Variants in PPP2R2B observed in about 807,000 individuals in gnomAD.
PPP2R2B encodes the protein protein phosphatase 2 regulatory subunit Bbeta, also known as serine/threonine-protein phosphatase 2A 55 kDa regulatory subunit B beta isoform.
Under a neutral mutation model 46.0 loss-of-function variants are expected in PPP2R2B, and 5 were observed. The ratio of observed to expected loss-of-function variants is 0.11; its 90% CI spans 0.06 to 0.23. The LOEUF (loss-of-function observed/expected upper bound fraction) is 0.23. Ranked by LOEUF, PPP2R2B falls within the 10% of genes least tolerant of loss-of-function variation. The probability of loss-of-function intolerance (pLI) is 1.00; values close to 1 mark genes in which losing one functional copy is unlikely to be tolerated. For synonymous variants in PPP2R2B, 215 were observed against 206.7 expected (o/e 1.04, Z -0.34); for missense variants, 367 against 575.0 (o/e 0.64, Z 3.70).
intron 5 of PPP2R2B, among the ~76,000 whole-genome samples, chr5:146,678,764 G>A (rs1457030468): frequency 7.1e-6 from 1 of 141,550 alleles, no homozygotes; most frequent in South Asian, 2.3e-4. Context: ...CAAACAGAGA[G>A]CCAAATCATG....
intron 5 of PPP2R2B, among the ~76,000 whole-genome samples, chr5:146,690,887 G>A (rs1290212909): frequency 6.6e-6 from 1 of 152,242 alleles, no homozygotes; most frequent in Admixed American, 6.5e-5. Flanking sequence ...ACGTCTGGCA[G>A]TGGCCATGTG....
chr5:147,069,167 A>C (rs1027288163), intron 2 of PPP2R2B, among the ~76,000 whole-genome samples: 1 of 152,190 alleles, frequency 6.6e-6, no homozygotes, highest in African/African-American at 2.4e-5. Context: ...AACATTTACA[A>C]ATTCCAGTGG....
In PPP2R2B at chr5:146,656,382, CTT is replaced by C. The variant is rs567057677; in HGVS notation, c.448-5660_448-5659del. ...GTACAGGAGGAACAATAGCAAAGAG[CTT>C]TTTTTTTTTTTAAGTAAGAAATGGG... is the stretch of plus-strand genomic sequence containing the variant. On this transcript the variant is annotated intron_variant, in intron 5 of 9. Coordinates refer to ENST00000394411, the MANE Select transcript of PPP2R2B (RefSeq NM_181675.4). The C allele has an allele frequency of 8.0e-3, 1,156 of 144,776 alleles. 13 individuals carry two copies. The highest frequency in any genetic ancestry group is 0.045 in the Middle Eastern group (13 of 286). The allele number at this position is 144,776 out of a possible 1,614,324, so 9.0% of individuals were successfully genotyped here.
chr5:146,865,636 T>C (rs1315081885), intron 2 of PPP2R2B, among the ~76,000 whole-genome samples: 1 of 152,210 alleles, frequency 6.6e-6, no homozygotes, highest in Non-Finnish European at 1.5e-5. Flanking sequence ...ATAAATGTTT[T>C]TAAAATAACT....
chr5:146,672,281 A>G (rs1010282465), intron 5 of PPP2R2B, among the ~76,000 whole-genome samples: 3 of 152,180 alleles, frequency 2.0e-5, no homozygotes, highest in Admixed American at 2.0e-4. Flanking sequence ...GATGTTGAAC[A>G]AGGATCAAAC....
intron 2 of PPP2R2B, among the ~76,000 whole-genome samples, chr5:146,719,604 C>T (rs1259429495): frequency 6.6e-6 from 1 of 152,066 alleles, no homozygotes; most frequent in Non-Finnish European, 1.5e-5. Flanking sequence ...TGTTGTTGTT[C>T]CCAGTGGATC....
At chr5:146,620,646 G>A (rs756429587) in intron 7 of PPP2R2B, among the ~76,000 whole-genome samples, 8 of 152,160 alleles carry the variant, frequency 5.3e-5, no homozygotes, top group Middle Eastern at 3.4e-3. Flanking sequence ...AGTGGGCTCC[G>A]GGAACCCAAT....
chr5:147,015,187 T>C (rs775920326), intron 1 of PPP2R2B, among the ~76,000 whole-genome samples: 1 of 148,930 alleles, frequency 6.7e-6, no homozygotes, highest in East Asian at 2.9e-4. Context: ...TAAATGTTCA[T>C]CAGATGAATG....
intron 2 of PPP2R2B, among the ~76,000 whole-genome samples, chr5:146,819,483 A>G (rs1000768160): frequency 1.3e-5 from 2 of 152,212 alleles, no homozygotes; most frequent in Non-Finnish European, 2.9e-5. Flanking sequence ...TTGAATGTGG[A>G]GATGGCAAAG....
At chr5:146,598,160 C>T (rs894922040) in intron 8 of PPP2R2B, among the ~76,000 whole-genome samples, 8 of 152,224 alleles carry the variant, frequency 5.3e-5, no homozygotes, top group African/African-American at 1.9e-4. Flanking sequence ...CATTTATTCA[C>T]ACTGCTCTAC....
In PPP2R2B at chr5:146,812,815, A is replaced by ATGTATATATATATATATG. The variant is rs1418545306; in HGVS notation, c.70+65186_70+65187insCATATATATATATATACA. On this transcript the variant is annotated intron_variant, in intron 2 of 9. Coordinates refer to ENST00000394411, the MANE Select transcript of PPP2R2B (RefSeq NM_181675.4). ...TGTGTATATATATATATATATATAT[A>ATGTATATATATATATATG]TATATATATATATACACACACATTT... is the stretch of plus-strand genomic sequence containing the variant. 1.4e-4 allele frequency among the ~76,000 whole-genome samples: 5 copies of ATGTATATATATATATATG among 35,636 alleles called. 1 individual carries two copies. In the Admixed American group the frequency reaches 1.7e-3, roughly 12 times the overall value. 23.4% of individuals were successfully genotyped at this position (35,636 alleles called of 152,430 possible).
At chr5:146,993,231 A>ACCCAGC in intron 1 of PPP2R2B, among the ~76,000 whole-genome samples, 2 of 111,574 alleles carry the variant, frequency 1.8e-5, no homozygotes, top group East Asian at 2.8e-4. Flanking sequence ...GTGTGAGTCA[A>ACCCAGC]TGGTCCTAGC....
intron 2 of PPP2R2B, among the ~76,000 whole-genome samples, chr5:146,807,891 G>C (rs1398554950): frequency 7.0e-6 from 1 of 143,754 alleles, no homozygotes; most frequent in Non-Finnish European, 1.5e-5. Flanking sequence ...CCTCCGCCTG[G>C]TGGGTTCAAG....
At chr5:146,957,763 A>C (rs1751980496) in intron 1 of PPP2R2B, among the ~76,000 whole-genome samples, 1 of 152,164 alleles carries the variant, frequency 6.6e-6, no homozygotes. Context: ...ATCTTGAATA[A>C]ATGGTCTCAG....
intron 2 of PPP2R2B, among the ~76,000 whole-genome samples, chr5:146,780,592 T>C (rs1755450819): frequency 6.6e-6 from 1 of 152,188 alleles, no homozygotes; most frequent in Admixed American, 6.5e-5. Flanking sequence ...GCCTATGCTA[T>C]ATCCAAATTA....
intron 5 of PPP2R2B, among the ~76,000 whole-genome samples, chr5:146,676,776 A>G (rs954877257): frequency 6.6e-5 from 10 of 152,198 alleles, no homozygotes; most frequent in African/African-American, 2.4e-4. Context: ...AGGACTAATC[A>G]TAGTACCTGG....
intron 2 of PPP2R2B, among the ~76,000 whole-genome samples, chr5:146,845,906 T>A (rs1759972916): frequency 6.6e-6 from 1 of 152,186 alleles, no homozygotes; most frequent in South Asian, 2.1e-4. Flanking sequence ...CAGTAGCCAC[T>A]AACCACGGGC....
chr5:146,977,018 T>C (rs186907963), intron 1 of PPP2R2B, among the ~76,000 whole-genome samples: 19 of 149,306 alleles, frequency 1.3e-4, no homozygotes, highest in African/African-American at 4.6e-4. Context: ...CATCTTTCTC[T>C]TTGCTACAGG....
intron 2 of PPP2R2B, among the ~76,000 whole-genome samples, chr5:147,062,177 C>A (rs1409125831): frequency 5.9e-5 from 9 of 152,154 alleles, no homozygotes; most frequent in Non-Finnish European, 7.4e-5. Context: ...TACAACTGCC[C>A]AGAGTACTCA....
Sources: gnomAD v4.1 joint callset for allele counts (sites outside exome capture counted in the v4.1 genomes callset) on GRCh38, gnomAD v4.1.1 for gene constraint, MANE v1.5 for transcripts, NCBI Gene and HGNC (gene_info 2026-07-23, HGNC 2026-07-21) for gene names.